Variants in RALGAPA1 observed in about 807,000 individuals in gnomAD.
The protein encoded by RALGAPA1 is Ral GTPase activating protein catalytic subunit alpha 1.
A neutral mutation model predicts 269.6 loss-of-function variants in RALGAPA1; 52 were observed. The ratio of observed to expected loss-of-function variants is 0.19; its 90% CI spans 0.15 to 0.24. The LOEUF is 0.24. Ranked by LOEUF, RALGAPA1 falls within the 10% of genes least tolerant of loss-of-function variation. The pLI, the probability that RALGAPA1 is intolerant of heterozygous loss-of-function variation, is 1.00. For missense variants in RALGAPA1, 1,917 were observed against 3,013.9 expected, an observed-to-expected ratio of 0.64 and a Z score of 8.52; for synonymous variants, 817 against 1,008.3, an observed-to-expected ratio of 0.81 and a Z score of 3.60.
At chr14:35,554,440 G>A (rs1415441112) in intron 39 of RALGAPA1, among the ~76,000 whole-genome samples, 3 of 140,188 alleles carry the variant, frequency 2.1e-5, no homozygotes, top group East Asian at 4.3e-4. Flanking sequence ...TCCGCCTCCC[G>A]GGTTCACGCC....
Position 35,627,847 on chromosome 14 carries a change from T to C in RALGAPA1, c.6100A>G (p.Met2034Val). 6.3e-7 allele frequency: 1 copy of C among 1,591,764 alleles called. No homozygotes were observed. The highest frequency in any genetic ancestry group is 1.1e-5 in the South Asian group (1 of 89,084). The change falls in exon 34 of 42, where the codon ATG becomes GTG. Residue 2034 changes from methionine (M) to valine (V), a missense_variant. Transcript: ENST00000680220. ...TTTTCACACACCTGACTTGTTAGCA[T>C]AGCAGGACCACCGCTCATTGGATAA... Reference protein sequence around the residue: ...GHYPMSGGPAMLTSQVCENHD... With the variant: ...GHYPMSGGPAVLTSQVCENHD...
chr14:35,625,209 C>A, intron 35 of RALGAPA1, 152 bp downstream of exon 35: 1 of 399,040 alleles, frequency 2.5e-6, no homozygotes. Context: ...ACATTCTATG[C>A]AGTCCTAAAT....
chr14:35,663,996 C>T (rs1435524215), intron 27 of RALGAPA1, among the ~76,000 whole-genome samples: 2 of 152,086 alleles, frequency 1.3e-5, no homozygotes, highest in Admixed American at 6.5e-5. Flanking sequence ...CCTTGCTGGG[C>T]TCAGAGCACT....
chr14:35,721,116 G>A (rs1022134798), intron 16 of RALGAPA1, among the ~76,000 whole-genome samples: 1 of 152,152 alleles, frequency 6.6e-6, no homozygotes, highest in African/African-American at 2.4e-5. Flanking sequence ...TACACTGTGC[G>A]ATTTTATGCC....
At chr14:35,798,275 A>C (rs1595596258) in intron 1 of RALGAPA1, among the ~76,000 whole-genome samples, 1 of 151,764 alleles carries the variant, frequency 6.6e-6, no homozygotes, top group African/African-American at 2.4e-5. Context: ...TCCTGGGCTC[A>C]AGCAATCTCA....
At chr14:35,640,148 T>C (rs2061929975) in intron 31 of RALGAPA1, among the ~76,000 whole-genome samples, 1 of 151,476 alleles carries the variant, frequency 6.6e-6, no homozygotes. Context: ...AAACGTCAAG[T>C]AAACAACCTA....
Position 35,690,926 on chromosome 14 carries a change from G to A in RALGAPA1, c.2408-923C>T, listed in dbSNP as rs988126978. 2.8e-4 allele frequency among the ~76,000 whole-genome samples: 42 copies of A among 152,070 alleles called. 1 individual carries two copies. Among genetic ancestry groups the A allele is most frequent in the African/African-American group, 9.2e-4 (38 of 41,494 alleles). The stretch of plus-strand genomic sequence containing the variant: ...CTCTATTAAAAACACAAAACTAGCC[G>A]GGCGTGGTGGTGCATGCCTGTAATT... On this transcript the variant is annotated intron_variant, in intron 17 of 41. Coordinates refer to ENST00000680220, the MANE Select transcript of RALGAPA1 (RefSeq NM_001346249.2).
At chr14:35,612,034 G>C (rs2059966160) in intron 35 of RALGAPA1, among the ~76,000 whole-genome samples, 1 of 152,058 alleles carries the variant, frequency 6.6e-6, no homozygotes, top group South Asian at 2.1e-4. Context: ...AATGAATAGT[G>C]TTTTCAACAA....
At chr14:35,765,401 T>C (rs2074062694) in intron 4 of RALGAPA1, among the ~76,000 whole-genome samples, 1 of 152,132 alleles carries the variant, frequency 6.6e-6, no homozygotes, top group East Asian at 1.9e-4. Context: ...AATTGTTATA[T>C]GTGTGTGTAC....
At chr14:35,563,171 A>C (rs2056428386) in intron 39 of RALGAPA1, among the ~76,000 whole-genome samples, 1 of 152,156 alleles carries the variant, frequency 6.6e-6, no homozygotes, top group Admixed American at 6.5e-5. Context: ...TAGTGAAACA[A>C]GGAGGGTAAG....
At position 35,775,135 on chromosome 14, in the gene RALGAPA1, GT is replaced by G. The variant is rs142116340; in HGVS notation, c.218-81del. The stretch of plus-strand genomic sequence containing the variant: ...AACTTAAAATATTTCAAGAATGAAG[GT>G]TTTTTTTTTCCCAGCAATTATTTAG... On this transcript the variant is annotated intron_variant, in intron 2 of 41. Coordinates refer to ENST00000680220, the MANE Select transcript of RALGAPA1 (RefSeq NM_001346249.2). The G allele has an allele frequency of 4.9e-3, 3,639 of 737,726 alleles. 80 individuals carry two copies. The East Asian group carries it at 0.075, about 15-fold the overall frequency. 45.7% of individuals were successfully genotyped at this position (737,726 alleles called of 1,614,324 possible).
chr14:35,579,207 T>C (rs995869756), intron 37 of RALGAPA1, among the ~76,000 whole-genome samples: 1 of 152,092 alleles, frequency 6.6e-6, no homozygotes, highest in Non-Finnish European at 1.5e-5. Flanking sequence ...GAGTTTGACA[T>C]GTTGGAAGGT....
intron 36 of RALGAPA1, among the ~76,000 whole-genome samples, chr14:35,604,657 A>C (rs1421307708): frequency 2.6e-5 from 4 of 151,984 alleles, no homozygotes; most frequent in Middle Eastern, 3.4e-3. Flanking sequence ...TAAATTGAAA[A>C]CTGTAATAAT....
chr14:35,584,589 C>T lies in RALGAPA1; in HGVS notation c.7209+11045G>A, dbSNP rs550041383. ...TGGTATAGTGTAATTTGAAAGTGGA[C>T]TTGTAACTTGGATTAACTACAAATG... On this transcript the variant is annotated intron_variant, in intron 37 of 41. Transcript: ENST00000680220. Among the ~76,000 whole-genome samples the T allele has an allele frequency of 3.9e-5, 6 of 152,140 alleles. No individual in the cohort carries two copies. The South Asian group carries it at 1.2e-3, about 32-fold the overall frequency.
Position 35,808,808 on chromosome 14 carries a change from C to G in RALGAPA1, c.28G>C (p.Val10Leu). The change falls in exon 1 of 42, where the codon GTG becomes CTG. Residue 10 changes from valine (V) to leucine (L), a missense_variant. Physicochemically the swap from Val to Leu is conservative, Grantham distance 32. Around this residue, in one of 11 missense-constraint regions of RALGAPA1, gnomAD observed 462 missense variants for 725.6 expected, o/e 0.64. Coordinates refer to ENST00000680220, the MANE Select transcript of RALGAPA1 (RefSeq NM_001346249.2). ...AGCACCTTCTGGGTGGACTTCTTCA[C>G]GTCCCCGTGCGGCTTCTTGGAGAAC... MFSKKPHGD[V>L]KKSTQKVLDT... 6.2e-7 allele frequency: 1 copy of G among 1,611,896 alleles called. No individual in the cohort carries two copies. The highest frequency in any genetic ancestry group is 8.5e-7 in the Non-Finnish European group (1 of 1,179,476).
chr14:35,791,265 G>A (rs2076148509), intron 1 of RALGAPA1, among the ~76,000 whole-genome samples: 1 of 152,164 alleles, frequency 6.6e-6, no homozygotes, highest in Non-Finnish European at 1.5e-5. Context: ...CTTCAGAGGA[G>A]AATTAGAATT....
intron 31 of RALGAPA1, among the ~76,000 whole-genome samples, chr14:35,642,302 G>C (rs866532251): frequency 3.3e-5 from 5 of 152,112 alleles, no homozygotes; most frequent in Non-Finnish European, 7.4e-5. Flanking sequence ...ACAAAGTGAA[G>C]AGACAACCCA....
chr14:35,540,107 A>T (rs2053829638), intron 41 of RALGAPA1, among the ~76,000 whole-genome samples: 2 of 152,152 alleles, frequency 1.3e-5, no homozygotes, highest in Non-Finnish European at 2.9e-5. Flanking sequence ...AAACAGCACC[A>T]AACAGTTCCA....
At chr14:35,549,970 G>C (rs1261140933) in intron 39 of RALGAPA1, among the ~76,000 whole-genome samples, 1 of 152,174 alleles carries the variant, frequency 6.6e-6, no homozygotes, top group African/African-American at 2.4e-5. Flanking sequence ...GACACTGACA[G>C]AAAAATACTG....
Sources: gnomAD v4.1 joint callset for allele counts (sites outside exome capture counted in the v4.1 genomes callset) on GRCh38, gnomAD v4.1.1 for gene constraint, gnomAD v4.1.1 regional missense constraint, MANE v1.5 for transcripts, NCBI Gene and HGNC (gene_info 2026-07-23, HGNC 2026-07-21) for gene names.